Variants in PRKN observed in about 807,000 individuals in gnomAD.
PRKN encodes E3 ubiquitin-protein ligase parkin.
PRKN carries 56 observed loss-of-function variants against 59.5 expected under a neutral mutation model. The observed-to-expected ratio is 0.94, with a 90% confidence interval of 0.76 to 1.18. The LOEUF (loss-of-function observed/expected upper bound fraction) is 1.18. Ranked by LOEUF, PRKN falls within the 50% of genes most tolerant of loss-of-function variation. The pLI, the probability that PRKN is intolerant of heterozygous loss-of-function variation, is 0.00. For synonymous variants in PRKN, 250 were observed against 222.1 expected (o/e 1.13, Z -1.12); for missense variants, 657 against 596.4 (o/e 1.10, Z -1.06).
chr6:162,404,916 A>G (rs1026921685), intron 2 of PRKN, among the ~76,000 whole-genome samples: 2 of 152,216 alleles, frequency 1.3e-5, no homozygotes, highest in South Asian at 4.1e-4. Flanking sequence ...TTTTAGCAGC[A>G]TAGAATCCAA....
At chr6:161,975,018 G>C (rs912773348) in intron 5 of PRKN, among the ~76,000 whole-genome samples, 5 of 150,896 alleles carry the variant, frequency 3.3e-5, no homozygotes, top group Admixed American at 6.6e-5. Flanking sequence ...TGAGACATTT[G>C]TAGAATGCTT....
At chr6:161,364,490 A>AG (rs1183226314) in intron 10 of PRKN, among the ~76,000 whole-genome samples, 41 of 151,128 alleles carry the variant, frequency 2.7e-4, no homozygotes, top group African/African-American at 9.9e-4. Flanking sequence ...AAAAAAAAAA[A>AG]AAAAAAAAAG....
At chr6:161,902,564 A>ATCTATTTTTTTTTTTTTTTTTTTTT (rs1242030157) in intron 6 of PRKN, among the ~76,000 whole-genome samples, 11 of 112,036 alleles carry the variant, frequency 9.8e-5, no homozygotes, top group Non-Finnish European at 1.3e-4. Flanking sequence ...TTATTTATTT[A>ATCTATTTTTTTTTTTTTTTTTTTTT]TTTTTTTTTT....
chr6:162,076,442 G>A (rs1778830753), intron 4 of PRKN, among the ~76,000 whole-genome samples: 2 of 152,094 alleles, frequency 1.3e-5, no homozygotes, highest in African/African-American at 4.8e-5. Flanking sequence ...TTCCCTCTGA[G>A]CCTTTTCACT....
chr6:162,298,108 G>A (rs1214475124), intron 2 of PRKN, among the ~76,000 whole-genome samples: 1 of 152,024 alleles, frequency 6.6e-6, no homozygotes, highest in Non-Finnish European at 1.5e-5. Context: ...CCCTTGTCCT[G>A]CAACCTCCAG....
At chr6:161,680,973 T>C (rs186095483) in intron 7 of PRKN, among the ~76,000 whole-genome samples, 188 of 152,030 alleles carry the variant, frequency 1.2e-3, no homozygotes, top group Middle Eastern at 6.8e-3. Flanking sequence ...AAATTTTTTA[T>C]TTTTTGAGAC....
Position 161,461,937 on chromosome 6 carries a change from T to C in PRKN, c.1084-75060A>G, listed in dbSNP as rs77938288. 0.011 allele frequency among the ~76,000 whole-genome samples: 1,643 copies of C among 152,108 alleles called. 37 individuals carry two copies. Among genetic ancestry groups the C allele is most frequent in the African/African-American group, 0.037 (1,535 of 41,476 alleles). On this transcript the variant is annotated intron_variant, in intron 9 of 11. Coordinates refer to ENST00000366898, the MANE Select transcript of PRKN (RefSeq NM_004562.3). This position sits in a 1 kb window ranked among gnomAD's most constrained non-coding sequence, Gnocchi z 5.1. ...CTTGGCTTGAAGAGAGGACCAAGGA[T>C]GGTCACCTTGAAAATAACAGCGGTT...
At chr6:162,458,386 A>G (rs1791002372) in intron 1 of PRKN, among the ~76,000 whole-genome samples, 1 of 150,662 alleles carries the variant, frequency 6.6e-6, no homozygotes, top group Admixed American at 6.7e-5. Context: ...AGATCGCACC[A>G]CTGCACTCCA....
At chr6:161,612,075 G>A (rs1782508074) in intron 7 of PRKN, among the ~76,000 whole-genome samples, 1 of 152,212 alleles carries the variant, frequency 6.6e-6, no homozygotes. Context: ...AGGTGAGGAA[G>A]CTGCATAACA....
At chr6:161,687,165 C>A (rs746715609) in intron 7 of PRKN, among the ~76,000 whole-genome samples, 1 of 151,678 alleles carries the variant, frequency 6.6e-6, no homozygotes, top group Non-Finnish European at 1.5e-5. Flanking sequence ...GGCGGGCAGA[C>A]TGCCTGAGGT....
intron 5 of PRKN, among the ~76,000 whole-genome samples, chr6:161,997,868 T>C (rs1781904007): frequency 6.6e-6 from 1 of 152,110 alleles, no homozygotes. Context: ...GCTGGTTATA[T>C]ATAAGCCCAT....
intron 4 of PRKN, among the ~76,000 whole-genome samples, chr6:162,162,348 T>C (rs914107311): frequency 8.5e-5 from 13 of 152,248 alleles, no homozygotes; most frequent in African/African-American, 2.9e-4. Flanking sequence ...TATGTAAAAA[T>C]ACTGTACCAA....
chr6:162,608,300 C>T (rs1011267736), intron 1 of PRKN, among the ~76,000 whole-genome samples: 2 of 152,152 alleles, frequency 1.3e-5, no homozygotes, highest in Non-Finnish European at 2.9e-5. Flanking sequence ...GGGTTGAAAG[C>T]GTAAGCTGGA....
Position 161,427,164 on chromosome 6 carries a change from A to G in PRKN, c.1084-40287T>C, listed in dbSNP as rs73023258. On this transcript the variant is annotated intron_variant, in intron 9 of 11. Transcript: ENST00000366898. ...CTCCCTGGTAGCTGGGACTACTGAT[A>G]TGCACCACAACACTCAGCTAATTGT... Among the ~76,000 whole-genome samples, 1,416 of 152,218 alleles carry G rather than the reference A, an allele frequency of 9.3e-3. 11 individuals are homozygous for G. Among genetic ancestry groups the G allele is most frequent in the Non-Finnish European group, 0.014 (967 of 68,016 alleles).
At chr6:162,156,730 C>A (rs1257510615) in intron 4 of PRKN, among the ~76,000 whole-genome samples, 2 of 152,112 alleles carry the variant, frequency 1.3e-5, no homozygotes, top group African/African-American at 4.8e-5. Context: ...CACAGACACA[C>A]CCAGGAACAA....
intron 7 of PRKN, among the ~76,000 whole-genome samples, chr6:161,620,342 C>A (rs1243412360): frequency 6.6e-6 from 1 of 152,016 alleles, no homozygotes; most frequent in African/African-American, 2.4e-5. Context: ...GGCTTTAGAT[C>A]CTTGACTCCC....
Position 161,497,567 on chromosome 6 carries a change from TCTCTCTCTCTCACA to T in PRKN, c.1083+51273_1083+51286del, listed in dbSNP as rs1046148276. ...CAGTGCTTACATGTCTCTCTCTCTC[TCTCTCTCTCTCACA>T]CACACACACACACACACCATATCCC... On this transcript the variant is annotated intron_variant, in intron 9 of 11. Coordinates refer to ENST00000366898, the MANE Select transcript of PRKN (RefSeq NM_004562.3). This position sits in a 1 kb window ranked among gnomAD's most constrained non-coding sequence, Gnocchi z 4.6. Among the ~76,000 whole-genome samples, 124 of 138,260 alleles carry T rather than the reference TCTCTCTCTCTCACA, an allele frequency of 9.0e-4. No individual in the cohort carries two copies. The highest frequency in any genetic ancestry group is 3.4e-3 in the African/African-American group (120 of 35,670). The allele number at this position is 138,260 out of a possible 152,430, so 90.7% of individuals were successfully genotyped here.
At chr6:162,583,131 T>C (rs1451087234) in intron 1 of PRKN, among the ~76,000 whole-genome samples, 1 of 152,200 alleles carries the variant, frequency 6.6e-6, no homozygotes, top group Non-Finnish European at 1.5e-5. Context: ...CAGGACGGCA[T>C]ACAAGGTGCC....
intron 6 of PRKN, among the ~76,000 whole-genome samples, chr6:161,801,446 G>A (rs576731895): frequency 6.6e-6 from 1 of 152,352 alleles, no homozygotes; most frequent in South Asian, 2.1e-4. Context: ...ACAGCCATGG[G>A]AGCGGGTGGG....
Sources: allele counts gnomAD v4.1 joint callset (sites outside exome capture counted in the v4.1 genomes callset), GRCh38; gene constraint gnomAD v4.1.1; non-coding constraint Gnocchi (gnomAD v3.1); transcripts MANE v1.5; gene names NCBI Gene and HGNC (gene_info 2026-07-23, HGNC 2026-07-21).